Variants in DMD observed in about 807,000 individuals in gnomAD.
The protein encoded by DMD is dystrophin.
DMD carries 63 observed loss-of-function variants against 330.1 expected under a neutral mutation model. The ratio of observed to expected loss-of-function variants is 0.19; its 90% CI spans 0.16 to 0.24. The LOEUF (loss-of-function observed/expected upper bound fraction) is 0.24, where lower values mean the gene tolerates loss of function less well. Among genes scored for constraint, DMD ranks in the 10% least tolerant of loss-of-function variants. The pLI is 1.00. For missense variants in DMD, 3,344 were observed against 2,684.1 expected, an observed-to-expected ratio of 1.25 and a Z score of -5.43; for synonymous variants, 1,223 against 959.8, an observed-to-expected ratio of 1.27 and a Z score of -5.07.
Position 33,008,925 on chromosome X carries a change from CAT to C in DMD, c.93+11212_93+11213del, listed in dbSNP as rs751770053. 2.9e-4 allele frequency among the ~76,000 whole-genome samples: 23 copies of C among 78,967 alleles called. No homozygotes were observed. In the South Asian group the frequency reaches 5.2e-3, roughly 18 times the overall value. 68.6% of individuals were successfully genotyped at this position (78,967 alleles called of 115,157 possible). ...ACACATACTCATATATGTATATATA[CAT>C]GTATATATACACACGTATATATACG... On this transcript the variant is annotated intron_variant, in intron 2 of 78. Coordinates refer to ENST00000357033, the MANE Select transcript of DMD (RefSeq NM_004006.3).
chrX:32,683,811 G>A (rs1232472936), intron 9 of DMD, among the ~76,000 whole-genome samples: 7 of 108,285 alleles, frequency 6.5e-5, no homozygotes, highest in Admixed American at 5.0e-4. Context: ...AAGAAAGAAG[G>A]AGTGAATGTA....
At chrX:32,677,767 A>G (rs780912525) in intron 9 of DMD, among the ~76,000 whole-genome samples, 1 of 112,006 alleles carries the variant, frequency 8.9e-6, no homozygotes, top group African/African-American at 3.2e-5. Flanking sequence ...TATCAAAAAA[A>G]GAGCAAAATA....
At chrX:32,016,009 G>A (rs1002663479) in intron 44 of DMD, among the ~76,000 whole-genome samples, 8 of 111,790 alleles carry the variant, frequency 7.2e-5, no homozygotes, top group Non-Finnish European at 1.5e-4. Flanking sequence ...CTGAGCAGCA[G>A]GTGCTGGTGC....
intron 7 of DMD, among the ~76,000 whole-genome samples, chrX:32,740,753 T>C (rs919111930): frequency 9.0e-6 from 1 of 111,420 alleles, no homozygotes; most frequent in Non-Finnish European, 1.9e-5. Flanking sequence ...TATCCATGTG[T>C]AGGACACTGT....
At chrX:31,547,647 C>T (rs1314009412) in intron 55 of DMD, among the ~76,000 whole-genome samples, 1 of 111,750 alleles carries the variant, frequency 8.9e-6, no homozygotes, top group Admixed American at 9.5e-5. Context: ...CATGTGTTTG[C>T]TGGCACTCTT....
intron 32 of DMD, among the ~76,000 whole-genome samples, chrX:32,386,668 A>G (rs1201435090): frequency 9.0e-6 from 1 of 110,510 alleles, no homozygotes. Flanking sequence ...ACACATGCAT[A>G]TATGTGTCAT....
At chrX:32,043,564 T>G (rs113692858) in intron 44 of DMD, among the ~76,000 whole-genome samples, 9,393 of 111,809 alleles carry the variant, frequency 0.084, 934 homozygotes, top group African/African-American at 0.29. Context: ...ATAATTAAAA[T>G]AGAAAGAAAA....
intron 17 of DMD, among the ~76,000 whole-genome samples, chrX:32,530,863 A>G (rs941307140): frequency 4.5e-5 from 5 of 112,338 alleles, no homozygotes; most frequent in Non-Finnish European, 9.4e-5. Context: ...TCAGAGTAAT[A>G]AATCTATGAT....
chrX:32,832,204 G>T (rs2079208923), intron 4 of DMD, among the ~76,000 whole-genome samples: 1 of 111,221 alleles, frequency 9.0e-6, no homozygotes, highest in Non-Finnish European at 1.9e-5. Context: ...CAGTCTTGGT[G>T]ATTTTAACTA....
intron 44 of DMD, among the ~76,000 whole-genome samples, chrX:32,143,294 A>C (rs185117923): frequency 3.1e-3 from 340 of 111,352 alleles, no homozygotes; most frequent in African/African-American, 9.0e-3. Flanking sequence ...ATAATTTATT[A>C]CTCTGAATTT....
intron 47 of DMD, among the ~76,000 whole-genome samples, chrX:31,894,339 A>G (rs151285770): frequency 0.02 from 2,282 of 111,713 alleles, 26 homozygotes; most frequent in Non-Finnish European, 0.028. Flanking sequence ...CAAATGGCTA[A>G]CAATTTTGTC....
Position 32,464,689 on chromosome X carries a change from T to C in DMD, c.3173A>G (p.Gln1058Arg), listed in dbSNP as rs762258174. The C allele has an allele frequency of 1.4e-5, 17 of 1,191,165 alleles. No individual in the cohort carries two copies. The South Asian group carries it at 2.1e-4, about 15-fold the overall frequency. The change falls in exon 24 of 79, where the codon CAA becomes CGA. Residue 1058 changes from glutamine (Q) to arginine (R), a missense_variant. Physicochemically the swap from Gln to Arg is conservative, Grantham distance 43. Transcript: ENST00000357033. ...NKLRKIQNHI[Q>R]TLKKWMAEVD... Reference sequence around the variant, plus strand: ...TTCAGCCATCCATTTCTTCAGGGTTTGTATGTGATTCTGAAACGAGACCCG... The same window carrying C: ...TTCAGCCATCCATTTCTTCAGGGTTCGTATGTGATTCTGAAACGAGACCCG...
At chrX:31,637,836 T>C (rs761909562) in intron 54 of DMD, among the ~76,000 whole-genome samples, 6 of 111,970 alleles carry the variant, frequency 5.4e-5, no homozygotes, top group African/African-American at 1.9e-4. Context: ...TTATCTTTGT[T>C]ATAAAAAACT....
chrX:32,605,026 T>A (rs1359363320), intron 12 of DMD, among the ~76,000 whole-genome samples: 1 of 110,681 alleles, frequency 9.0e-6, no homozygotes, highest in Non-Finnish European at 1.9e-5. Flanking sequence ...ACCAACATCA[T>A]TTTTCACAGA....
chrX:32,459,465 A>T (rs2098375208), intron 25 of DMD, among the ~76,000 whole-genome samples: 1 of 111,250 alleles, frequency 9.0e-6, no homozygotes, highest in Non-Finnish European at 1.9e-5. Context: ...AGTATCTTAT[A>T]TACATGTTAT....
intron 2 of DMD, among the ~76,000 whole-genome samples, chrX:32,993,291 T>C (rs757358768): frequency 1.4e-3 from 156 of 112,093 alleles, no homozygotes; most frequent in Middle Eastern, 4.6e-3. Context: ...TTATGTGTCA[T>C]AACTGCCATT....
chrX:32,060,714 G>A (rs2096217311), intron 44 of DMD, among the ~76,000 whole-genome samples: 1 of 111,767 alleles, frequency 8.9e-6, no homozygotes, highest in African/African-American at 3.2e-5. Flanking sequence ...AAAGCTTGGA[G>A]TATTTGAAAA....
chrX:32,652,965 G>C (rs1374440320), intron 9 of DMD, among the ~76,000 whole-genome samples: 1 of 111,843 alleles, frequency 8.9e-6, no homozygotes, highest in Admixed American at 9.5e-5. Flanking sequence ...TGCCTTTTTT[G>C]AGAAGTGTCT....
At chrX:32,815,006 C>A (rs1023124777) in intron 6 of DMD, among the ~76,000 whole-genome samples, 2 of 111,452 alleles carry the variant, frequency 1.8e-5, no homozygotes, top group African/African-American at 3.3e-5. Flanking sequence ...TCTATCCCTT[C>A]TCATCTAACT....
Sources: allele counts gnomAD v4.1 joint callset (sites outside exome capture counted in the v4.1 genomes callset), GRCh38; gene constraint gnomAD v4.1.1; transcripts MANE v1.5; gene names NCBI Gene and HGNC (gene_info 2026-07-23, HGNC 2026-07-21).